Variants in RGS7 observed in about 807,000 individuals in gnomAD.
The protein encoded by RGS7 is regulator of G protein signaling 7.
Under a neutral mutation model 81.1 loss-of-function variants are expected in RGS7, and 27 were observed. The ratio of observed to expected loss-of-function variants is 0.33; its 90% confidence interval spans 0.25 to 0.46. The LOEUF is 0.46. Ranked by LOEUF, RGS7 falls within the 20% of genes least tolerant of loss-of-function variation. The pLI, the probability that RGS7 is intolerant of heterozygous loss-of-function variation, is 1.00. For missense variants in RGS7, 396 were observed against 607.4 expected, an observed-to-expected ratio of 0.65 and a Z score of 3.66; for synonymous variants, 208 against 207.7, an observed-to-expected ratio of 1.00 and a Z score of -0.01.
intron 4 of RGS7, among the ~76,000 whole-genome samples, chr1:240,967,653 G>C (rs1682556828): frequency 6.6e-6 from 1 of 151,534 alleles, no homozygotes; most frequent in Admixed American, 6.6e-5. Context: ...TGGTTCACGA[G>C]AGGCCCGAGA....
At chr1:240,783,046 G>C (rs1176300935) in intron 18 of RGS7, among the ~76,000 whole-genome samples, 4 of 152,134 alleles carry the variant, frequency 2.6e-5, no homozygotes, top group Non-Finnish European at 5.9e-5. Flanking sequence ...CATATAATCA[G>C]TTTCAGGACA....
chr1:241,253,648 T>A (rs1048764072), intron 2 of RGS7, among the ~76,000 whole-genome samples: 1 of 152,194 alleles, frequency 6.6e-6, no homozygotes, highest in South Asian at 2.1e-4. Flanking sequence ...TTGTGTCAGC[T>A]GTACACATGG....
chr1:241,233,778 G>A (rs1156964952), intron 2 of RGS7, among the ~76,000 whole-genome samples: 3 of 146,972 alleles, frequency 2.0e-5, no homozygotes, highest in East Asian at 2.0e-4. Flanking sequence ...TGGATCATAC[G>A]GTAGTTCTAT....
At chr1:241,281,356 T>C (rs2078501787) in intron 2 of RGS7, among the ~76,000 whole-genome samples, 1 of 152,278 alleles carries the variant, frequency 6.6e-6, no homozygotes, top group African/African-American at 2.4e-5. Flanking sequence ...TCAAGTGTTG[T>C]GAGTATCCAC....
At chr1:241,129,683 G>A (rs190644628) in intron 2 of RGS7, among the ~76,000 whole-genome samples, 1 of 152,148 alleles carries the variant, frequency 6.6e-6, no homozygotes, top group Admixed American at 6.5e-5. Flanking sequence ...GAGCACCACA[G>A]TTACTTGGAG....
chr1:241,302,603 C>A (rs1310765245), intron 2 of RGS7, among the ~76,000 whole-genome samples: 1 of 152,054 alleles, frequency 6.6e-6, no homozygotes, highest in Non-Finnish European at 1.5e-5. Context: ...ATAGGGAGCA[C>A]CTTGGGAATT....
intron 2 of RGS7, among the ~76,000 whole-genome samples, chr1:241,332,148 A>T (rs1317323016): frequency 6.6e-6 from 1 of 152,206 alleles, no homozygotes; most frequent in African/African-American, 2.4e-5. Flanking sequence ...ACAGTAATGG[A>T]AATCGTAAGC....
At chr1:241,251,098 C>A (rs1443889411) in intron 2 of RGS7, among the ~76,000 whole-genome samples, 2 of 152,142 alleles carry the variant, frequency 1.3e-5, no homozygotes, top group Non-Finnish European at 2.9e-5. Context: ...AATCGTGAAC[C>A]TTTTGAAAGT....
In RGS7 at chr1:241,307,983, C is replaced by T. The variant is rs148357168; in HGVS notation, c.78+47716G>A. Among the ~76,000 whole-genome samples the T allele has an allele frequency of 2.1e-3, 323 of 152,288 alleles. 1 individual carries two copies. The highest frequency in any genetic ancestry group is 7.6e-3 in the African/African-American group (314 of 41,558). On this transcript the variant is annotated intron_variant, in intron 2 of 18. Transcript: ENST00000440928. Reference sequence around the variant, plus strand: ...TACTCAGCTCTTCACCTCACTCCATCGACTGACTTCATTCTTATGATTTTA... The same window carrying T: ...TACTCAGCTCTTCACCTCACTCCATTGACTGACTTCATTCTTATGATTTTA...
chr1:241,212,576 G>C (rs1020663562), intron 2 of RGS7, among the ~76,000 whole-genome samples: 1 of 152,198 alleles, frequency 6.6e-6, no homozygotes, highest in Non-Finnish European at 1.5e-5. Flanking sequence ...GCTCCTAGCT[G>C]TCTGCACAGG....
At chr1:241,012,794 T>G (rs2059022512) in intron 3 of RGS7, among the ~76,000 whole-genome samples, 1 of 152,104 alleles carries the variant, frequency 6.6e-6, no homozygotes, top group Admixed American at 6.6e-5. Context: ...AAAGATTAAC[T>G]CACAGTAAAA....
chr1:241,234,175 C>T (rs114646856), intron 2 of RGS7, among the ~76,000 whole-genome samples: 1 of 152,310 alleles, frequency 6.6e-6, no homozygotes, highest in African/African-American at 2.4e-5. Context: ...CATTTCTATA[C>T]CAAATTTTAA....
intron 5 of RGS7, among the ~76,000 whole-genome samples, chr1:240,933,253 A>C (rs1369663700): frequency 0.02 from 3,088 of 151,920 alleles, 87 homozygotes; most frequent in African/African-American, 0.065. Context: ...TTTGGGGAGT[A>C]TATATGTGTA....
chr1:241,325,832 A>G (rs2081461309), intron 2 of RGS7, among the ~76,000 whole-genome samples: 1 of 152,186 alleles, frequency 6.6e-6, no homozygotes, highest in Non-Finnish European at 1.5e-5. Context: ...GAGGAAATAG[A>G]ATAAAATATC....
intron 6 of RGS7, among the ~76,000 whole-genome samples, chr1:240,908,161 A>G (rs1671137559): frequency 7.5e-6 from 1 of 132,624 alleles, no homozygotes; most frequent in Non-Finnish European, 1.6e-5. Context: ...GAACACCTGG[A>G]CACAGGGCGA....
At chr1:240,920,281 G>A in intron 6 of RGS7, 1 of 1,335,864 alleles carries the variant, frequency 7.5e-7, no homozygotes, top group Non-Finnish European at 1.1e-6. Context: ...GGTGGTTTTG[G>A]TGGGAATGAC....
chr1:240,920,206 T>C (rs193003303), intron 6 of RGS7: 19 of 1,123,424 alleles, frequency 1.7e-5, no homozygotes, highest in Middle Eastern at 2.8e-4. Context: ...AAGCAAGAGA[T>C]AGCTAGTGCT....
At chr1:241,016,658 T>G (rs967027773) in intron 3 of RGS7, among the ~76,000 whole-genome samples, 3 of 152,252 alleles carry the variant, frequency 2.0e-5, no homozygotes, top group South Asian at 2.1e-4. Flanking sequence ...GGGAGAGACC[T>G]GGGACTAGAG....
At chr1:240,866,962 G>A (rs1663419652) in intron 9 of RGS7, among the ~76,000 whole-genome samples, 1 of 152,146 alleles carries the variant, frequency 6.6e-6, no homozygotes, top group African/African-American at 2.4e-5. Flanking sequence ...GGACAAAGTG[G>A]ATAAGCACAG....
Sources: allele counts gnomAD v4.1 joint callset (sites outside exome capture counted in the v4.1 genomes callset), GRCh38; gene constraint gnomAD v4.1.1; transcripts MANE v1.5; gene names NCBI Gene and HGNC (gene_info 2026-07-23, HGNC 2026-07-21).